UQCC2: variants seen among roughly 807,000 people sequenced by gnomAD.
UQCC2 encodes the protein ubiquinol-cytochrome c reductase complex assembly factor 2, also known as breast cancer-associated protein SGA-81M.
A neutral mutation model predicts 19.9 loss-of-function variants in UQCC2; 21 were observed. The ratio of observed to expected loss-of-function variants is 1.05; its 90% CI spans 0.75 to 1.52. The LOEUF is 1.52. UQCC2 is among the 40% of genes most tolerant of loss of function. UQCC2 has a pLI of 0.00. For synonymous variants in UQCC2, 57 were observed against 60.9 expected (o/e 0.94, Z 0.30); for missense variants, 135 against 157.5 (o/e 0.86, Z 0.76).
intron 1 of UQCC2, among the ~76,000 whole-genome samples, chr6:33,708,636 C>T (rs954613251): frequency 4.6e-5 from 7 of 152,118 alleles, no homozygotes; most frequent in African/African-American, 1.2e-4. Context: ...TTCTGGCAAC[C>T]GGCTTAACCA....
At chr6:33,709,628 G>T (rs909608176) in intron 1 of UQCC2, among the ~76,000 whole-genome samples, 2 of 152,140 alleles carry the variant, frequency 1.3e-5, no homozygotes, top group African/African-American at 4.8e-5. Flanking sequence ...TGAATAATGT[G>T]AGGGCCCTGG....
chr6:33,701,800 C>T (rs6938056), intron 1 of UQCC2, among the ~76,000 whole-genome samples: 63,053 of 151,216 alleles, frequency 0.42, 15,575 homozygotes, highest in East Asian at 0.86. Flanking sequence ...GCTACAGGGA[C>T]TCAGTGGGGG....
In UQCC2 at chr6:33,697,759, G is replaced by A; in HGVS notation, c.284-9C>T. ...AAGCTCTTCCAAGGTGTCTGCAAAA[G>A]GGGAAGACAAAAAGAGAGAGGGACT... On this transcript the variant is annotated splice_polypyrimidine_tract_variant and intron_variant, in intron 3 of 3. Coordinates refer to ENST00000607484, the MANE Select transcript of UQCC2 (RefSeq NM_032340.4). The A allele has an allele frequency of 3.7e-6, 6 of 1,608,074 alleles. No individual in the cohort carries two copies. Among genetic ancestry groups the A allele is most frequent in the Non-Finnish European group, 5.1e-6 (6 of 1,176,820 alleles).
At chr6:33,704,291 G>A (rs1765673965) in intron 1 of UQCC2, among the ~76,000 whole-genome samples, 1 of 152,346 alleles carries the variant, frequency 6.6e-6, no homozygotes, top group African/African-American at 2.4e-5. Flanking sequence ...ATGGGGCCAG[G>A]CAGGAAGTGC....
In UQCC2 at chr6:33,700,482, C is replaced by G; in HGVS notation, c.245G>C (p.Gly82Ala). The change falls in exon 3 of 4, where the codon GGC becomes GCC. Residue 82 changes from glycine (G) to alanine (A), a missense_variant. Coordinates refer to ENST00000607484, the MANE Select transcript of UQCC2 (RefSeq NM_032340.4). Reference sequence around the variant, plus strand: ...CAGCTTGTACTCTTCCAACGACAGGCCACTGAAGCTGGTGTCTCTGGGGCG... The same window carrying G: ...CAGCTTGTACTCTTCCAACGACAGGGCACTGAAGCTGGTGTCTCTGGGGCG... ...YPRPRDTSFS[G>A]LSLEEYKLIL... The G allele has an allele frequency of 6.2e-7, 1 of 1,614,198 alleles. No individual in the cohort carries two copies. Among genetic ancestry groups the G allele is most frequent in the South Asian group, 1.1e-5 (1 of 91,082 alleles).
chr6:33,697,958 C>G (rs987901781), intron 3 of UQCC2: 2 of 572,306 alleles, frequency 3.5e-6, no homozygotes, highest in African/African-American at 3.8e-5. Flanking sequence ...GTGCCAGACT[C>G]TGTGCCCAGC....
At chr6:33,697,824 C>T in intron 3 of UQCC2, 74 bp from the exon 4 acceptor site, 1 of 1,221,798 alleles carries the variant, frequency 8.2e-7, no homozygotes, top group Non-Finnish European at 1.2e-6. Context: ...ACCCACTGGG[C>T]TTTCCCGACA....
At chr6:33,706,128 T>A (rs2127336755) in intron 1 of UQCC2, among the ~76,000 whole-genome samples, 1 of 152,324 alleles carries the variant, frequency 6.6e-6, no homozygotes, top group East Asian at 1.9e-4. Context: ...TGACAGCAAT[T>A]GGTACAGCGG....
In UQCC2 at chr6:33,701,827, A is replaced by G. The variant is rs576274684; in HGVS notation, c.139-407T>C. On this transcript the variant is annotated intron_variant, in intron 1 of 3. Transcript: ENST00000607484. The stretch of plus-strand genomic sequence containing the variant: ...CAGTGGGGGAGTCCCCGCATGCTCA[A>G]GTGGTCAGTGCATGATGGAAGTGAG... Among the ~76,000 whole-genome samples the G allele has an allele frequency of 4.0e-5, 6 of 151,860 alleles. No homozygotes were observed. The South Asian group carries it at 1.2e-3, about 32-fold the overall frequency.
At chr6:33,711,279 G>A (rs1336961738) in intron 1 of UQCC2, among the ~76,000 whole-genome samples, 2 of 152,188 alleles carry the variant, frequency 1.3e-5, no homozygotes, top group Admixed American at 6.5e-5. Context: ...CTCAAAGAGT[G>A]CTGGAATTAT....
At chr6:33,710,293 A>T (rs1477553703) in intron 1 of UQCC2, among the ~76,000 whole-genome samples, 1 of 152,124 alleles carries the variant, frequency 6.6e-6, no homozygotes, top group African/African-American at 2.4e-5. Flanking sequence ...CAACCAGAAT[A>T]GTCTTTTAAA....
chr6:33,705,372 C>T (rs1342703675), intron 1 of UQCC2, among the ~76,000 whole-genome samples: 2 of 152,080 alleles, frequency 1.3e-5, no homozygotes, highest in Non-Finnish European at 1.5e-5. Context: ...AGACAGTCTC[C>T]TAGAGAGTTC....
chr6:33,700,014 C>A (rs933363969), intron 3 of UQCC2, among the ~76,000 whole-genome samples: 1 of 152,126 alleles, frequency 6.6e-6, no homozygotes, highest in African/African-American at 2.4e-5. Flanking sequence ...ATATCTAACC[C>A]ACAGACCACG....
chr6:33,711,690 G>T lies in UQCC2; in HGVS notation c.-4C>A, dbSNP rs754881904. 1 of 1,606,048 alleles carries T rather than the reference G, an allele frequency of 6.2e-7. No individual in the cohort carries two copies. The highest frequency in any genetic ancestry group is 8.5e-7 in the Non-Finnish European group (1 of 1,177,430). On this transcript the variant is annotated 5_prime_UTR_variant, in exon 1 of 4. Transcript: ENST00000607484. ...GCCGGTACCGGCTGGCCGCCATCTT[G>T]GGCCCCGCGTGTTCCCGCCTTAGCG...
At chr6:33,705,033 CTT>C (rs544104803) in intron 1 of UQCC2, among the ~76,000 whole-genome samples, 40 of 131,204 alleles carry the variant, frequency 3.0e-4, no homozygotes, top group Admixed American at 2.3e-4. Context: ...ACTCTCACTT[CTT>C]TTTTTTTTTT....
At chr6:33,700,239 T>TA (rs2127333620) in intron 3 of UQCC2, among the ~76,000 whole-genome samples, 1 of 152,266 alleles carries the variant, frequency 6.6e-6, no homozygotes, top group African/African-American at 2.4e-5. Flanking sequence ...GCCCTAAAGA[T>TA]AGATTTTCTT....
At chr6:33,707,809 C>G (rs901707649) in intron 1 of UQCC2, among the ~76,000 whole-genome samples, 7 of 152,202 alleles carry the variant, frequency 4.6e-5, no homozygotes, top group Non-Finnish European at 8.8e-5. Flanking sequence ...AAGCTCTCAG[C>G]GCTGTAGGAA....
intron 1 of UQCC2, 102 bp downstream of exon 1, chr6:33,711,447 G>C (rs984247014): frequency 1.9e-5 from 27 of 1,457,008 alleles, no homozygotes; most frequent in African/African-American, 7.2e-5. Context: ...TGCCTGGAAA[G>C]AGGGCGCGCG....
intron 1 of UQCC2, among the ~76,000 whole-genome samples, chr6:33,705,982 CT>C (rs1376788869): frequency 6.6e-6 from 1 of 152,154 alleles, no homozygotes; most frequent in Non-Finnish European, 1.5e-5. Context: ...CTTTATAGCT[CT>C]ATTTTTGCTC....
Sources: gnomAD v4.1 joint callset for allele counts (sites outside exome capture counted in the v4.1 genomes callset) on GRCh38, gnomAD v4.1.1 for gene constraint, MANE v1.5 for transcripts, NCBI Gene and HGNC (gene_info 2026-07-23, HGNC 2026-07-21) for gene names.